PKP4: variants seen among roughly 807,000 people sequenced by gnomAD.
The protein encoded by PKP4 is plakophilin 4, also known as plakophilin-4.
PKP4 carries 90 observed loss-of-function variants against 145.1 expected under a neutral mutation model. The observed-to-expected ratio is 0.62, with a 90% CI of 0.52 to 0.74. PKP4 has a LOEUF of 0.74. PKP4 is among the 30% of genes least tolerant of loss of function. The pLI, the probability that PKP4 is intolerant of heterozygous loss-of-function variation, is 0.00. For missense variants in PKP4, 1,340 were observed against 1,482.7 expected, an observed-to-expected ratio of 0.90 and a Z score of 1.58; for synonymous variants, 563 against 577.2, an observed-to-expected ratio of 0.98 and a Z score of 0.35.
intron 12 of PKP4, chr2:158,660,668 A>T (rs1293062931): frequency 2.0e-5 from 3 of 152,468 alleles, no homozygotes; most frequent in Non-Finnish European, 4.4e-5. Flanking sequence ...ATATAAAAAA[A>T]TTTAGACACA....
chr2:158,550,489 G>A (rs2045523608), intron 2 of PKP4, among the ~76,000 whole-genome samples: 2 of 152,138 alleles, frequency 1.3e-5, no homozygotes, highest in African/African-American at 4.8e-5. Context: ...TGAGTCCTTG[G>A]ACAAACAGTG....
At chr2:158,461,998 G>T (rs982737176) in intron 1 of PKP4, among the ~76,000 whole-genome samples, 1 of 152,180 alleles carries the variant, frequency 6.6e-6, no homozygotes, top group African/African-American at 2.4e-5. Context: ...GTATATGAAG[G>T]TTAGGTAAAA....
At chr2:158,515,597 T>C (rs1267968658) in intron 1 of PKP4, among the ~76,000 whole-genome samples, 1 of 152,242 alleles carries the variant, frequency 6.6e-6, no homozygotes, top group Non-Finnish European at 1.5e-5. Flanking sequence ...TTTTCCTTAA[T>C]AGATAAACAT....
intron 1 of PKP4, among the ~76,000 whole-genome samples, chr2:158,509,640 G>A (rs1382216607): frequency 6.6e-6 from 1 of 152,172 alleles, no homozygotes; most frequent in Non-Finnish European, 1.5e-5. Flanking sequence ...TAGGTCTGGA[G>A]GTGATGATAT....
At chr2:158,581,737 A>G (rs918268313) in intron 3 of PKP4, among the ~76,000 whole-genome samples, 4 of 152,224 alleles carry the variant, frequency 2.6e-5, no homozygotes, top group Non-Finnish European at 4.4e-5. Context: ...TCCTCTGCAT[A>G]TATTTCCACC....
At chr2:158,473,769 A>G (rs931737087) in intron 1 of PKP4, among the ~76,000 whole-genome samples, 3 of 152,204 alleles carry the variant, frequency 2.0e-5, no homozygotes, top group African/African-American at 4.8e-5. Context: ...GTTTACCTAC[A>G]TAACCTTCAC....
chr2:158,640,281 T>TTGCACCTGCAGGCTACAG (rs2054164524), intron 9 of PKP4, among the ~76,000 whole-genome samples: 1 of 152,228 alleles, frequency 6.6e-6, no homozygotes, highest in South Asian at 2.1e-4. Flanking sequence ...GTGCACGTGT[T>TTGCACCTGCAGGCTACAG]TACCTGAGCC....
At chr2:158,495,655 G>T (rs1271095753) in intron 1 of PKP4, among the ~76,000 whole-genome samples, 1 of 151,880 alleles carries the variant, frequency 6.6e-6, no homozygotes, top group Non-Finnish European at 1.5e-5. Context: ...CCAACATGGT[G>T]AAACCTCGAC....
intron 1 of PKP4, among the ~76,000 whole-genome samples, chr2:158,488,375 T>C (rs1277803181): frequency 6.6e-6 from 1 of 152,248 alleles, no homozygotes; most frequent in Non-Finnish European, 1.5e-5. Context: ...TCATCTGTTT[T>C]TATTCTGACT....
At chr2:158,530,229 A>G (rs182452554) in intron 1 of PKP4, among the ~76,000 whole-genome samples, 34 of 152,314 alleles carry the variant, frequency 2.2e-4, no homozygotes, top group African/African-American at 8.2e-4. Context: ...AATCCTTTAA[A>G]GAATCTCACC....
intron 1 of PKP4, among the ~76,000 whole-genome samples, chr2:158,480,663 A>T (rs1170344012): frequency 6.6e-6 from 1 of 152,148 alleles, no homozygotes; most frequent in African/African-American, 2.4e-5. Context: ...TTATATAAAT[A>T]AGAAATTAAT....
chr2:158,557,606 G>C (rs1285114757), intron 2 of PKP4, among the ~76,000 whole-genome samples: 5 of 152,126 alleles, frequency 3.3e-5, no homozygotes, highest in African/African-American at 9.7e-5. Flanking sequence ...GCCAGATCCT[G>C]TATTTTTACC....
chr2:158,620,503 G>A (rs960325161), intron 4 of PKP4, among the ~76,000 whole-genome samples: 14 of 152,178 alleles, frequency 9.2e-5, no homozygotes, highest in Non-Finnish European at 4.4e-5. Flanking sequence ...CTAAAACTTT[G>A]TATAGAGTTC....
intron 2 of PKP4, among the ~76,000 whole-genome samples, chr2:158,564,592 A>C (rs2046820979): frequency 6.6e-6 from 1 of 152,182 alleles, no homozygotes; most frequent in Non-Finnish European, 1.5e-5. Context: ...GTTATAGCAG[A>C]TCCCACTCCC....
Position 158,624,910 on chromosome 2 carries a change from T to TA in PKP4, c.637dup (p.Ser213LysfsTer6). 13 of 1,607,992 alleles carry TA rather than the reference T, an allele frequency of 8.1e-6. No individual in the cohort carries two copies. Among genetic ancestry groups the TA allele is most frequent in the Non-Finnish European group, 1.1e-5 (13 of 1,176,014 alleles). On this transcript the variant is annotated frameshift_variant, in exon 7 of 22. Transcript: ENST00000389759. LOFTEE classifies it high-confidence loss of function. The stretch of plus-strand genomic sequence containing the variant: ...TAGCCAATCGGGCCATGAGAAGAGT[T>TA]AGTTCAGTTCCATCTAGAGCACAGT...
At chr2:158,469,613 C>G (rs56212071) in intron 1 of PKP4, among the ~76,000 whole-genome samples, 4,973 of 152,206 alleles carry the variant, frequency 0.033, 182 homozygotes, top group East Asian at 0.14. Context: ...ACTTAACAAG[C>G]TTTATACTTT....
chr2:158,533,936 T>C (rs1184807474), intron 2 of PKP4, among the ~76,000 whole-genome samples: 1 of 152,192 alleles, frequency 6.6e-6, no homozygotes, highest in African/African-American at 2.4e-5. Flanking sequence ...GAAATTGGAA[T>C]TCTGCAATTT....
intron 4 of PKP4, among the ~76,000 whole-genome samples, chr2:158,620,762 C>A (rs1002496285): frequency 3.6e-4 from 55 of 152,212 alleles, no homozygotes; most frequent in African/African-American, 1.2e-3. Flanking sequence ...TTGAGACTTA[C>A]AATCACAACA....
At chr2:158,671,077 G>C (rs1210098539) in intron 17 of PKP4, among the ~76,000 whole-genome samples, 1 of 152,012 alleles carries the variant, frequency 6.6e-6, no homozygotes, top group African/African-American at 2.4e-5. Context: ...TCTTATACCT[G>C]ACTCTTCCAT....
Sources: allele counts gnomAD v4.1 joint callset (sites outside exome capture counted in the v4.1 genomes callset), GRCh38; gene constraint gnomAD v4.1.1; transcripts MANE v1.5; gene names NCBI Gene and HGNC (gene_info 2026-07-23, HGNC 2026-07-21).